The following CAPN1 variants were observed in gnomAD, a reference collection of about 807,000 sequenced individuals.
CAPN1 encodes the protein calpain-1 catalytic subunit.
Under a neutral mutation model 105.2 loss-of-function variants are expected in CAPN1, and 77 were observed. The observed-to-expected ratio is 0.73, with a 90% CI of 0.61 to 0.88. The LOEUF is 0.88. CAPN1 is among the 40% of genes least tolerant of loss of function. The probability of loss-of-function intolerance (pLI) is 0.00; values close to 1 mark genes in which losing one functional copy is unlikely to be tolerated. For synonymous variants in CAPN1, 355 were observed against 388.8 expected, an observed-to-expected ratio of 0.91 and a Z score of 1.02; for missense variants, 833 against 976.6, an observed-to-expected ratio of 0.85 and a Z score of 1.96.
intron 7 of CAPN1, 24 bp from the exon 8 acceptor site, chr11:65,187,931 A>G: frequency 6.6e-7 from 1 of 1,525,110 alleles, no homozygotes; most frequent in Non-Finnish European, 8.9e-7. Context: ...GGAAGCTAGC[A>G]CTGACAGGAG....
chr11:65,206,727 A>G, intron 13 of CAPN1, 53 bp downstream of exon 13: 1 of 1,610,448 alleles, frequency 6.2e-7, no homozygotes, highest in Non-Finnish European at 8.5e-7. Context: ...CTCCCCTCTC[A>G]GGCCCTCTGC....
chr11:65,211,192 G>A (rs2137405884), intron 21 of CAPN1, 68 bp from the exon 22 acceptor site: 3 of 1,577,972 alleles, frequency 1.9e-6, no homozygotes, highest in Non-Finnish European at 2.6e-6. Context: ...CTGGACCTGG[G>A]GTTTGGGTGG....
Position 65,208,159 on chromosome 11 carries a change from G to A in CAPN1, c.1671+39G>A. The A allele has an allele frequency of 3.1e-6, 5 of 1,596,286 alleles. No individual in the cohort carries two copies. The highest frequency in any genetic ancestry group is 4.3e-6 in the Non-Finnish European group (5 of 1,171,476). ...TGGCAGGTTGGGAGGGGCCTGTGAG[G>A]GGCAGCCCTCTCCTGGGGCAGGTGC... On this transcript the variant is annotated intron_variant, in intron 15 of 21. Transcript: ENST00000279247. The surrounding 1 kb of genome is among the most constrained non-coding windows in gnomAD (Gnocchi z 4.1).
At chr11:65,207,268 C>T (rs368309103) in intron 14 of CAPN1, among the ~76,000 whole-genome samples, 60 of 145,458 alleles carry the variant, frequency 4.1e-4, no homozygotes, top group Admixed American at 2.5e-3. Context: ...GGCGTGATCT[C>T]GGCTCACTGC....
At chr11:65,202,699 T>C (rs1191796280) in intron 10 of CAPN1, among the ~76,000 whole-genome samples, 1 of 152,042 alleles carries the variant, frequency 6.6e-6, no homozygotes, top group African/African-American at 2.4e-5. Flanking sequence ...TGCCTCAGCC[T>C]CCCAAAGTGC....
At chr11:65,196,623 G>A (rs1019954269) in intron 10 of CAPN1, among the ~76,000 whole-genome samples, 2 of 152,030 alleles carry the variant, frequency 1.3e-5, no homozygotes, top group African/African-American at 4.8e-5. Flanking sequence ...TAAGGTGGAA[G>A]GTTAGGTTAT....
chr11:65,194,449 C>A (rs190025797), intron 10 of CAPN1, among the ~76,000 whole-genome samples: 1 of 152,240 alleles, frequency 6.6e-6, no homozygotes. Context: ...AATTCACACA[C>A]CAGAAAATTT....
Position 65,186,344 on chromosome 11 carries a change from T to A in CAPN1, c.759+6T>A, listed in dbSNP as rs1948633605. On this transcript the variant is annotated splice_donor_region_variant and intron_variant, in intron 6 of 21. Transcript: ENST00000279247. ...TGCTGGGCTGCTCCATAGACGTGAG[T>A]GTGCCCGGCCCCGATGCTTTGGTAC... is the stretch of plus-strand genomic sequence containing the variant. 1.2e-6 allele frequency: 2 copies of A among 1,607,782 alleles called. No individual in the cohort carries two copies. The highest frequency in any genetic ancestry group is 2.2e-5 in the East Asian group (1 of 44,770).
intron 21 of CAPN1, 146 bp from the exon 22 acceptor site, chr11:65,211,114 T>G: frequency 1.1e-6 from 1 of 904,964 alleles, no homozygotes; most frequent in Non-Finnish European, 1.7e-6. Context: ...TTCCCAGGGG[T>G]GGAGGAGGTA....
rs1003425864 is a variant in CAPN1, at chr11:65,211,416, C to G, written c.*130C>G. On this transcript the variant is annotated 3_prime_UTR_variant, in exon 22 of 22. Coordinates refer to ENST00000279247, the MANE Select transcript of CAPN1 (RefSeq NM_005186.4). ...TGGAGCAGAGAGGCAGCCTCGTCCT[C>G]CTGTCCCCTCTCCTCCCAGCCACCA... The G allele has an allele frequency of 1.2e-6, 1 of 801,644 alleles. No homozygotes were observed. The highest frequency in any genetic ancestry group is 2.1e-6 in the Non-Finnish European group (1 of 477,176). The allele number at this position is 801,644 out of a possible 1,614,324, so 49.7% of individuals were successfully genotyped here.
At chr11:65,190,593 A>G (rs887490886) in intron 10 of CAPN1, among the ~76,000 whole-genome samples, 5 of 152,216 alleles carry the variant, frequency 3.3e-5, no homozygotes, top group East Asian at 1.9e-4. Context: ...CCCTGGGTCT[A>G]TCCCTCTGCC....
At chr11:65,186,531 C>A (rs561092956) in intron 6 of CAPN1, among the ~76,000 whole-genome samples, 193 bp downstream of exon 6, 2 of 152,152 alleles carry the variant, frequency 1.3e-5, no homozygotes, top group South Asian at 4.1e-4. Context: ...CTCACCTACC[C>A]ACTCCTCCCC....
At chr11:65,204,653 T>G in intron 10 of CAPN1, 30 bp from the exon 11 acceptor site, 6 of 1,598,482 alleles carry the variant, frequency 3.8e-6, no homozygotes, top group Non-Finnish European at 5.1e-6. Flanking sequence ...CCGCCCTGCC[T>G]CTGATCCCCG....
chr11:65,206,008 T>C, intron 12 of CAPN1: 1 of 542,808 alleles, frequency 1.8e-6, no homozygotes, highest in African/African-American at 1.9e-5. Flanking sequence ...ACCAAGTAAG[T>C]GCCAACTAGG....
intron 10 of CAPN1, chr11:65,203,661 A>G (rs1054445792): frequency 2.0e-5 from 3 of 152,210 alleles, no homozygotes; most frequent in African/African-American, 7.2e-5. Context: ...GCGCCCTGCC[A>G]CACTCTTATG....
Position 65,183,585 on chromosome 11 carries a change from A to G in CAPN1, c.449A>G (p.His150Arg). The G allele has an allele frequency of 6.2e-7, 1 of 1,610,974 alleles. No individual in the cohort carries two copies. Among genetic ancestry groups the G allele is most frequent in the Non-Finnish European group, 8.5e-7 (1 of 1,177,206 alleles). Residue 150 changes from histidine to arginine, a missense_variant, in exon 4 of 22, where the codon CAT becomes CGT. His to Arg is a conservative substitution (Grantham distance 29). Transcript: ENST00000279247. ...SFQNGYAGIF[H>R]FQLWQFGEWV... Reference sequence around the variant, plus strand: ...CAGAATGGCTATGCCGGCATCTTCCATTTCCAGGTGAGGGCTCCCCTGGGG... The same window carrying G: ...CAGAATGGCTATGCCGGCATCTTCCGTTTCCAGGTGAGGGCTCCCCTGGGG...
At chr11:65,198,166 G>T (rs1948818510) in intron 10 of CAPN1, among the ~76,000 whole-genome samples, 2 of 151,444 alleles carry the variant, frequency 1.3e-5, no homozygotes, top group African/African-American at 4.9e-5. Context: ...TCTGAGACAG[G>T]GTCTGGCTCT....
At chr11:65,183,414 C>T (rs1389926805) in intron 3 of CAPN1, 60 bp from the exon 4 acceptor site, 3 of 1,355,350 alleles carry the variant, frequency 2.2e-6, no homozygotes, top group East Asian at 4.6e-5. Flanking sequence ...TCCCTAGCAC[C>T]CGCTTCCCCC....
At chr11:65,197,744 G>T (rs1254429187) in intron 10 of CAPN1, among the ~76,000 whole-genome samples, 1 of 151,966 alleles carries the variant, frequency 6.6e-6, no homozygotes, top group Non-Finnish European at 1.5e-5. Flanking sequence ...AAAATTAGCC[G>T]GGCAAGGTGG....
Sources: gnomAD v4.1 joint callset for allele counts (sites outside exome capture counted in the v4.1 genomes callset) on GRCh38, gnomAD v4.1.1 for gene constraint, Gnocchi (gnomAD v3.1) non-coding constraint, MANE v1.5 for transcripts, NCBI Gene and HGNC (gene_info 2026-07-23, HGNC 2026-07-21) for gene names.